Variants in VCF1 observed in about 807,000 individuals in gnomAD.
The protein encoded by VCF1 is VCP nuclear cofactor family member 1.
chr17:73,213,321 A>C, the VCF1 span, among the ~76,000 whole-genome samples: 1 of 152,188 alleles, frequency 6.6e-6, no homozygotes, highest in Non-Finnish European at 1.5e-5. Flanking sequence ...CTAATAGAGA[A>C]TTGGTTTAAT....
At chr17:73,209,242 G>C in the VCF1 span, 4 of 504,288 alleles carry the variant, frequency 7.9e-6, no homozygotes, top group Admixed American at 1.4e-4. Flanking sequence ...ACATACTATG[G>C]ATTCAACACA....
chr17:73,208,394 C>T, the VCF1 span: 1 of 1,614,236 alleles, frequency 6.2e-7, no homozygotes, highest in South Asian at 1.1e-5. Flanking sequence ...GTGAAGAAGA[C>T]AACACGTCTG....
At chr17:73,231,848 G>A in the VCF1 span, among the ~76,000 whole-genome samples, 1 of 152,088 alleles carries the variant, frequency 6.6e-6, no homozygotes, top group African/African-American at 2.4e-5. Flanking sequence ...AAGACAGGGG[G>A]GAAAAAAGAT....
chr17:73,215,735 A>G, the VCF1 span, among the ~76,000 whole-genome samples: 1 of 152,328 alleles, frequency 6.6e-6, no homozygotes, highest in Non-Finnish European at 1.5e-5. Flanking sequence ...CATTCAGTAA[A>G]TATTTACTGA....
chr17:73,209,832 G>T, the VCF1 span: 1 of 1,528,900 alleles, frequency 6.5e-7, no homozygotes. Context: ...CTTTACTGTG[G>T]TTTCATGTAC....
At chr17:73,225,471 C>T in the VCF1 span, among the ~76,000 whole-genome samples, 78,302 of 151,386 alleles carry the variant, frequency 0.52, 20,286 homozygotes, top group East Asian at 0.6. Flanking sequence ...AACCAAGAGA[C>T]AAAAGCAAGA....
the VCF1 span, among the ~76,000 whole-genome samples, chr17:73,217,716 G>A: frequency 7.9e-5 from 12 of 151,876 alleles, no homozygotes; most frequent in African/African-American, 2.7e-4. Context: ...CACTTTGGGA[G>A]GCCGAGGCAG....
At chr17:73,207,927 G>A in the VCF1 span, 1 of 1,186,976 alleles carries the variant, frequency 8.4e-7, no homozygotes, top group Non-Finnish European at 1.1e-6. Context: ...GTTGGGAGAT[G>A]GTAGTTTAAA....
chr17:73,216,426 G>A, the VCF1 span, among the ~76,000 whole-genome samples: 1 of 152,166 alleles, frequency 6.6e-6, no homozygotes, highest in Non-Finnish European at 1.5e-5. Flanking sequence ...AGTAAGGGAG[G>A]GAAGGCCGAT....
At chr17:73,210,218 C>T in the VCF1 span, among the ~76,000 whole-genome samples, 7 of 152,164 alleles carry the variant, frequency 4.6e-5, no homozygotes, top group Non-Finnish European at 8.8e-5. Context: ...TGGGTATAAG[C>T]GAAGATAAAA....
the VCF1 span, among the ~76,000 whole-genome samples, chr17:73,218,756 A>T: frequency 2.0e-5 from 3 of 152,220 alleles, no homozygotes; most frequent in East Asian, 5.8e-4. Flanking sequence ...GCAGTGGCTC[A>T]CGCCTGTAAT....
chr17:73,210,733 A>C, the VCF1 span, among the ~76,000 whole-genome samples: 4 of 150,662 alleles, frequency 2.7e-5, no homozygotes, highest in African/African-American at 9.8e-5. Context: ...CTGGTACTAC[A>C]AGCGTACGCC....
At chr17:73,229,509 T>C in the VCF1 span, 1 of 985,408 alleles carries the variant, frequency 1.0e-6, no homozygotes, top group Non-Finnish European at 1.2e-6. Flanking sequence ...TTCCATCACG[T>C]TGCATTATTT....
the VCF1 span, among the ~76,000 whole-genome samples, chr17:73,218,863 C>CA: frequency 6.6e-6 from 1 of 151,812 alleles, no homozygotes; most frequent in Non-Finnish European, 1.5e-5. Flanking sequence ...ACTAAAAATA[C>CA]AAAAAAATTA....
At chr17:73,222,197 C>CA in the VCF1 span, among the ~76,000 whole-genome samples, 739 of 125,994 alleles carry the variant, frequency 5.9e-3, 16 homozygotes, top group South Asian at 0.017. Context: ...GACCCTGTCT[C>CA]AAAAAAAAAA....
At chr17:73,207,372 A>G in the VCF1 span, 1 of 979,574 alleles carries the variant, frequency 1.0e-6, no homozygotes, top group Non-Finnish European at 1.6e-6. Context: ...AAATGCACTA[A>G]TGCTGCTTTT....
the VCF1 span, chr17:73,207,524 T>G: frequency 1.7e-6 from 1 of 595,432 alleles, no homozygotes; most frequent in Admixed American, 2.5e-5. Context: ...AGCTCTTGAA[T>G]TTAGTAGGGT....
the VCF1 span, among the ~76,000 whole-genome samples, chr17:73,215,364 C>G: frequency 3.3e-5 from 5 of 152,208 alleles, no homozygotes; most frequent in Non-Finnish European, 4.4e-5. Flanking sequence ...CTCACTGAAG[C>G]CTTGACCTCC....
At chr17:73,223,405 A>G in the VCF1 span, among the ~76,000 whole-genome samples, 4 of 152,232 alleles carry the variant, frequency 2.6e-5, no homozygotes, top group African/African-American at 9.6e-5. Context: ...GTTTCTCTCT[A>G]TATAACTAAT....
Sources: gnomAD v4.1 joint callset for allele counts (sites outside exome capture counted in the v4.1 genomes callset) on GRCh38, gnomAD v4.1.1 for gene constraint, MANE v1.5 for transcripts, NCBI Gene and HGNC (gene_info 2026-07-23, HGNC 2026-07-21) for gene names.